The following CDH13 variants were observed in gnomAD, a reference collection of about 807,000 sequenced individuals.
CDH13 encodes cadherin-13.
Under a neutral mutation model 63.8 loss-of-function variants are expected in CDH13, and 24 were observed. That is an observed-to-expected ratio of 0.38 (90% CI 0.27 to 0.53). The LOEUF (loss-of-function observed/expected upper bound fraction) is 0.53. CDH13 is among the 20% of genes least tolerant of loss of function. CDH13 has a pLI of 0.85. For synonymous variants in CDH13, 503 were observed against 355.3 expected, an observed-to-expected ratio of 1.42 and a Z score of -4.67; for missense variants, 1,049 against 903.1, an observed-to-expected ratio of 1.16 and a Z score of -2.07.
chr16:83,077,352 T>C (rs2032925372), intron 3 of CDH13, among the ~76,000 whole-genome samples: 1 of 151,716 alleles, frequency 6.6e-6, no homozygotes, highest in Non-Finnish European at 1.5e-5. Context: ...CCACCATGCC[T>C]GGCTAATTTA....
chr16:82,760,116 A>G (rs934134998), intron 1 of CDH13, among the ~76,000 whole-genome samples: 3 of 152,168 alleles, frequency 2.0e-5, no homozygotes, highest in Non-Finnish European at 4.4e-5. Context: ...TTTCCTAAGC[A>G]TAGAGTTTTT....
At chr16:82,948,907 C>G (rs1179318517) in intron 2 of CDH13, among the ~76,000 whole-genome samples, 1 of 152,170 alleles carries the variant, frequency 6.6e-6, no homozygotes, top group Non-Finnish European at 1.5e-5. Flanking sequence ...AGTTTACTTA[C>G]TTTCGTGATA....
chr16:83,655,796 T>C (rs1255624682), intron 8 of CDH13, among the ~76,000 whole-genome samples: 2 of 152,174 alleles, frequency 1.3e-5, no homozygotes, highest in Admixed American at 6.5e-5. Context: ...CAATGAATCA[T>C]GTTTAAATTT....
intron 4 of CDH13, among the ~76,000 whole-genome samples, chr16:83,160,526 G>T (rs913196058): frequency 6.6e-6 from 1 of 152,124 alleles, no homozygotes; most frequent in South Asian, 2.1e-4. Context: ...GACCCATGAC[G>T]TATGGACGTA....
Position 82,970,650 on chromosome 16 carries a change from C to A in CDH13, c.158-61360C>A, listed in dbSNP as rs534257163. 6.0e-5 allele frequency among the ~76,000 whole-genome samples: 7 copies of A among 117,330 alleles called. 1 individual carries two copies. Among genetic ancestry groups the A allele is most frequent in the African/African-American group, 1.9e-4 (7 of 37,050 alleles). The allele number at this position is 117,330 out of a possible 152,430, so 77.0% of individuals were successfully genotyped here. A position where few individuals can be genotyped will look rare whatever the true frequency, so the allele number is the denominator to read the frequency against. ...TCCTGACCTCATGATCCACCCGCCTCGGCCTCCCAAAGTGCCAGTGCATAT... is the reference window on the plus strand; with the variant it reads ...TCCTGACCTCATGATCCACCCGCCTAGGCCTCCCAAAGTGCCAGTGCATAT... On this transcript the variant is annotated intron_variant, in intron 2 of 13. Transcript: ENST00000567109.
chr16:83,009,243 C>G (rs1211976115), intron 2 of CDH13, among the ~76,000 whole-genome samples: 2 of 152,206 alleles, frequency 1.3e-5, no homozygotes, highest in Non-Finnish European at 2.9e-5. Flanking sequence ...ATTTTGTCAT[C>G]TTCTGAGAGG....
intron 7 of CDH13, among the ~76,000 whole-genome samples, chr16:83,567,452 G>A (rs139052177): frequency 1.3e-4 from 20 of 152,340 alleles, no homozygotes; most frequent in African/African-American, 4.8e-4. Flanking sequence ...CACAAGAAGA[G>A]TTGCTTGCAT....
chr16:82,917,683 A>G (rs1402956098), intron 2 of CDH13, among the ~76,000 whole-genome samples: 1 of 152,172 alleles, frequency 6.6e-6, no homozygotes, highest in Non-Finnish European at 1.5e-5. Context: ...AGGCTGAGGC[A>G]GGCGGATCAT....
intron 1 of CDH13, among the ~76,000 whole-genome samples, chr16:82,837,480 T>G (rs1291488267): frequency 6.6e-6 from 1 of 152,174 alleles, no homozygotes; most frequent in Non-Finnish European, 1.5e-5. Context: ...CCAGTTTCCT[T>G]GATCCCCAAG....
intron 7 of CDH13, among the ~76,000 whole-genome samples, chr16:83,574,217 G>A (rs1056624481): frequency 3.3e-5 from 5 of 152,120 alleles, no homozygotes; most frequent in African/African-American, 1.2e-4. Flanking sequence ...TGCTATTGTC[G>A]TCATTATTTT....
At chr16:83,580,632 C>A (rs978221439) in intron 7 of CDH13, among the ~76,000 whole-genome samples, 1 of 151,954 alleles carries the variant, frequency 6.6e-6, no homozygotes, top group African/African-American at 2.4e-5. Flanking sequence ...GTAGCTGAGA[C>A]TACAGGCATG....
At chr16:83,303,072 A>G (rs2089787989) in intron 5 of CDH13, among the ~76,000 whole-genome samples, 1 of 152,210 alleles carries the variant, frequency 6.6e-6, no homozygotes, top group Non-Finnish European at 1.5e-5. Context: ...ACATGATGGC[A>G]TCAGAGAGAC....
rs1168320545 is a variant in CDH13, at chr16:83,047,564, A to G, written c.366+15346A>G. On this transcript the variant is annotated intron_variant, in intron 3 of 13. Coordinates refer to ENST00000567109, the MANE Select transcript of CDH13 (RefSeq NM_001257.5). This position sits in a 1 kb window ranked among gnomAD's most constrained non-coding sequence, Gnocchi z 4.9. ...CTAAAAACTGAATTTTTAAAATACA[A>G]ACAGAAAAAAAGCTCCCTGTATTTT... Among the ~76,000 whole-genome samples, 1 of 152,162 alleles carries G rather than the reference A, an allele frequency of 6.6e-6. No homozygotes were observed. The highest frequency in any genetic ancestry group is 2.4e-5 in the African/African-American group (1 of 41,386).
At chr16:83,644,738 T>C (rs1911630750) in intron 8 of CDH13, among the ~76,000 whole-genome samples, 2 of 152,286 alleles carry the variant, frequency 1.3e-5, no homozygotes, top group Non-Finnish European at 2.9e-5. Flanking sequence ...TGTGAATGGT[T>C]CACATCAGCA....
At chr16:82,977,840 T>C (rs1053646118) in intron 2 of CDH13, among the ~76,000 whole-genome samples, 1 of 152,056 alleles carries the variant, frequency 6.6e-6, no homozygotes, top group African/African-American at 2.4e-5. Flanking sequence ...ATGTGGGCAA[T>C]TTTGGAACTT....
intron 6 of CDH13, among the ~76,000 whole-genome samples, chr16:83,361,010 C>A (rs1476549594): frequency 6.6e-6 from 1 of 152,112 alleles, no homozygotes; most frequent in Non-Finnish European, 1.5e-5. Context: ...GAGAAATTGC[C>A]AAACTGCTTT....
At chr16:83,514,812 G>A (rs181046924) in intron 7 of CDH13, among the ~76,000 whole-genome samples, 220 of 152,268 alleles carry the variant, frequency 1.4e-3, no homozygotes, top group Non-Finnish European at 2.5e-3. Context: ...GGGAACAGAT[G>A]TTCCCTCAGA....
chr16:83,636,180 T>A (rs976440727), intron 8 of CDH13, among the ~76,000 whole-genome samples: 1 of 152,182 alleles, frequency 6.6e-6, no homozygotes, highest in Non-Finnish European at 1.5e-5. Flanking sequence ...TTGATCTATG[T>A]CTCTGTCTCA....
At chr16:82,696,965 G>A (rs1012473215) in intron 1 of CDH13, among the ~76,000 whole-genome samples, 1 of 152,142 alleles carries the variant, frequency 6.6e-6, no homozygotes, top group Non-Finnish European at 1.5e-5. Context: ...GCTCTGCATA[G>A]GACTCTTAAG....
Sources: gnomAD v4.1 joint callset for allele counts (sites outside exome capture counted in the v4.1 genomes callset) on GRCh38, gnomAD v4.1.1 for gene constraint, Gnocchi (gnomAD v3.1) non-coding constraint, MANE v1.5 for transcripts, NCBI Gene and HGNC (gene_info 2026-07-23, HGNC 2026-07-21) for gene names.